The following PNPT1 variants were observed in gnomAD, a reference collection of about 807,000 sequenced individuals.
PNPT1 encodes polyribonucleotide nucleotidyltransferase 1, also known as polyribonucleotide nucleotidyltransferase 1, mitochondrial.
A neutral mutation model predicts 119.5 loss-of-function variants in PNPT1; 53 were observed. The ratio of observed to expected loss-of-function variants is 0.44; its 90% CI spans 0.36 to 0.56. The LOEUF (loss-of-function observed/expected upper bound fraction) is 0.56, where lower values mean the gene tolerates loss of function less well. Among genes scored for constraint, PNPT1 ranks in the 20% least tolerant of loss-of-function variants. The probability of loss-of-function intolerance (pLI) is 0.00; values close to 1 mark genes in which losing one functional copy is unlikely to be tolerated. For missense variants in PNPT1, 948 were observed against 938.5 expected (o/e 1.01, Z -0.13); for synonymous variants, 357 against 322.1 (o/e 1.11, Z -1.16).
intron 19 of PNPT1, among the ~76,000 whole-genome samples, chr2:55,646,963 G>A (rs1031431609): frequency 6.6e-6 from 1 of 152,094 alleles, no homozygotes; most frequent in Non-Finnish European, 1.5e-5. Context: ...AGCCTGCCAA[G>A]TAGATGGGAT....
At chr2:55,657,190 G>A (rs537937407) in intron 15 of PNPT1, among the ~76,000 whole-genome samples, 2 of 151,990 alleles carry the variant, frequency 1.3e-5, no homozygotes, top group Middle Eastern at 6.8e-3. Flanking sequence ...TCAGCAGGGC[G>A]TGGTGGCGCA....
rs139733874 is a variant in PNPT1, at chr2:55,640,144, T to G, written c.2148+483A>C. Among the ~76,000 whole-genome samples the G allele has an allele frequency of 1.8e-3, 268 of 152,296 alleles. 1 individual carries two copies. The highest frequency in any genetic ancestry group is 6.0e-3 in the African/African-American group (251 of 41,564). On this transcript the variant is annotated intron_variant, in intron 26 of 27. Transcript: ENST00000447944. Reference sequence around the variant, plus strand: ...TATGGCTTTATAATATATTTTAATATATGGTAAAACAGACACTCTTTTTTT... The same window carrying G: ...TATGGCTTTATAATATATTTTAATAGATGGTAAAACAGACACTCTTTTTTT...
At chr2:55,657,961 G>A (rs1696443351) in intron 15 of PNPT1, among the ~76,000 whole-genome samples, 1 of 147,682 alleles carries the variant, frequency 6.8e-6, no homozygotes. Flanking sequence ...TATCAGGCCG[G>A]GCATAGTGGC....
intron 11 of PNPT1, among the ~76,000 whole-genome samples, chr2:55,670,859 C>T (rs1411291476): frequency 6.6e-6 from 1 of 151,912 alleles, no homozygotes; most frequent in Non-Finnish European, 1.5e-5. Flanking sequence ...TAGCTACATT[C>T]ATAGAAGTTA....
In PNPT1 at chr2:55,654,938, G is replaced by A; in HGVS notation, c.1457C>T (p.Ala486Val). 1 of 1,613,056 alleles carries A rather than the reference G, an allele frequency of 6.2e-7. No individual in the cohort carries two copies. Among genetic ancestry groups the A allele is most frequent in the South Asian group, 1.1e-5 (1 of 90,970 alleles). The change falls in exon 18 of 28, where the codon GCA becomes GTA. Residue 486 changes from alanine to valine, a missense_variant. By Grantham distance (64) the Ala-to-Val change is moderately conservative. Transcript: ENST00000447944. ...TGCTAAACTTCCGCCACATGCAGAT[G>A]CCATAGAAGATGACCCTATAGAAAG... Reference protein sequence around the residue: ...VLESNGSSSMASACGGSLALM... With the variant: ...VLESNGSSSMVSACGGSLALM...
intron 1 of PNPT1, among the ~76,000 whole-genome samples, chr2:55,691,874 ATATATTTTTTTTTT>A (rs1697624564): frequency 8.1e-5 from 1 of 12,370 alleles, no homozygotes; most frequent in African/African-American, 1.9e-4. Flanking sequence ...ATATATATAT[ATATATTTTTTTTTT>A]TTTTTTTTTT....
chr2:55,689,109 A>G (rs948579509), intron 1 of PNPT1, among the ~76,000 whole-genome samples: 5 of 152,258 alleles, frequency 3.3e-5, no homozygotes, highest in Admixed American at 6.5e-5. Context: ...AGCTGATTTC[A>G]TCAAAATTTA....
intron 25 of PNPT1, among the ~76,000 whole-genome samples, chr2:55,642,006 T>C (rs993005300): frequency 6.6e-5 from 10 of 152,050 alleles, no homozygotes; most frequent in African/African-American, 2.4e-4. Context: ...CATGCCTGGC[T>C]AACTTTTGTA....
In PNPT1 at chr2:55,668,489, T is replaced by C. The variant is rs534819510; in HGVS notation, c.977-531A>G. ...CTGAAGTCAGGCAATCTGTCTGCCT[T>C]GGCCTCGCAAAGTGCTAGGATTACA... On this transcript the variant is annotated intron_variant, in intron 11 of 27. Transcript: ENST00000447944. Among the ~76,000 whole-genome samples the C allele has an allele frequency of 3.9e-5, 6 of 152,330 alleles. No individual in the cohort carries two copies. The South Asian group carries it at 1.2e-3, about 32-fold the overall frequency.
At chr2:55,656,608 A>G (rs1420068934) in intron 15 of PNPT1, among the ~76,000 whole-genome samples, 1 of 152,196 alleles carries the variant, frequency 6.6e-6, no homozygotes. Flanking sequence ...CTGGATGGGT[A>G]TGGGGATTTA....
intron 11 of PNPT1, among the ~76,000 whole-genome samples, chr2:55,669,276 C>G (rs866088633): frequency 5.9e-4 from 90 of 152,116 alleles, no homozygotes; most frequent in South Asian, 6.2e-4. Flanking sequence ...GATCTGTCAG[C>G]CTCAAAGGCT....
intron 1 of PNPT1, among the ~76,000 whole-genome samples, chr2:55,691,878 A>ATTTTTTTTTTTT (rs1227966046): frequency 9.1e-5 from 3 of 33,116 alleles, no homozygotes; most frequent in Non-Finnish European, 1.2e-4. Context: ...ATATATATAT[A>ATTTTTTTTTTTT]TTTTTTTTTT....
At chr2:55,654,006 C>T (rs1486892628) in intron 18 of PNPT1, among the ~76,000 whole-genome samples, 3 of 152,086 alleles carry the variant, frequency 2.0e-5, no homozygotes, top group Non-Finnish European at 4.4e-5. Flanking sequence ...TGCCTGTAAT[C>T]CCAGCACTTT....
chr2:55,648,286 T>C (rs1054550583), intron 18 of PNPT1, among the ~76,000 whole-genome samples: 1 of 152,228 alleles, frequency 6.6e-6, no homozygotes, highest in African/African-American at 2.4e-5. Context: ...TATTGACACA[T>C]ACCACCACAC....
rs751635419 is a variant in PNPT1 at position 55,666,995 on chromosome 2, G to A, written c.1172C>T (p.Thr391Ile). The part of the protein sequence containing the change: ...HGSALFQRGQ[T>I]QVLCTVTFDS... ...AGAGCTTTTTATATAAATTACCTGT[G>A]TTTGTCCTCTTTGAAATAATGCTGA... The change falls in exon 13 of 28, where the codon ACA becomes ATA. Residue 391 changes from threonine to isoleucine, a missense_variant. Thr to Ile is a moderately conservative substitution (Grantham distance 89). Coordinates refer to ENST00000447944, the MANE Select transcript of PNPT1 (RefSeq NM_033109.5). 5 of 1,575,002 alleles carry A rather than the reference G, an allele frequency of 3.2e-6. No individual in the cohort carries two copies. In the South Asian group the frequency reaches 5.8e-5, roughly 18 times the overall value.
intron 15 of PNPT1, among the ~76,000 whole-genome samples, chr2:55,656,688 T>C (rs959231759): frequency 3.9e-5 from 6 of 152,236 alleles, no homozygotes; most frequent in Non-Finnish European, 8.8e-5. Flanking sequence ...TAAAAATATG[T>C]ACATATTTAA....
chr2:55,688,776 T>C (rs1247190018), intron 1 of PNPT1, among the ~76,000 whole-genome samples: 2 of 151,900 alleles, frequency 1.3e-5, no homozygotes, highest in Non-Finnish European at 2.9e-5. Flanking sequence ...CAAAAAACTT[T>C]AGAATTTCTC....
At chr2:55,684,820 A>G (rs1395245517) in intron 4 of PNPT1, 123 bp downstream of exon 4, 1 of 1,233,498 alleles carries the variant, frequency 8.1e-7, no homozygotes, top group South Asian at 2.6e-5. Context: ...GGAGTGAATA[A>G]TCTTAGGTGG....
In PNPT1 at chr2:55,646,505, T is replaced by G; in HGVS notation, c.1603-19A>C. On this transcript the variant is annotated intron_variant, in intron 19 of 27. Transcript: ENST00000447944. The stretch of plus-strand genomic sequence containing the variant: ...CAATTCCCTTCAGGAATTTAAAAAG[T>G]TATGACATAGTTTTAAACAAAAACA... 3 of 1,586,140 alleles carry G rather than the reference T, an allele frequency of 1.9e-6. No homozygotes were observed. The highest frequency in any genetic ancestry group is 2.6e-6 in the Non-Finnish European group (3 of 1,166,388).
Sources: allele counts gnomAD v4.1 joint callset (sites outside exome capture counted in the v4.1 genomes callset), GRCh38; gene constraint gnomAD v4.1.1; transcripts MANE v1.5; gene names NCBI Gene and HGNC (gene_info 2026-07-23, HGNC 2026-07-21).